The following ZDHHC14 variants were observed in gnomAD, a reference collection of about 807,000 sequenced individuals.
ZDHHC14 encodes the protein zDHHC palmitoyltransferase 14.
Under a neutral mutation model 47.7 loss-of-function variants are expected in ZDHHC14, and 16 were observed. That is an observed-to-expected ratio of 0.34 (90% CI 0.23 to 0.51). The LOEUF (loss-of-function observed/expected upper bound fraction) is 0.51, where lower values mean the gene tolerates loss of function less well. Ranked by LOEUF, ZDHHC14 falls within the 20% of genes least tolerant of loss-of-function variation. ZDHHC14 has a pLI of 0.97. For missense variants in ZDHHC14, 515 were observed against 662.5 expected (o/e 0.78, Z 2.44); for synonymous variants, 293 against 278.9 (o/e 1.05, Z -0.50).
intron 2 of ZDHHC14, 176 bp from the exon 3 acceptor site, chr6:157,592,812 C>G: frequency 7.0e-7 from 1 of 1,420,870 alleles, no homozygotes; most frequent in Non-Finnish European, 9.2e-7. Context: ...ACGAAGGAGG[C>G]CGGGGTCCCA....
At chr6:157,407,174 C>T (rs2114753608) in intron 1 of ZDHHC14, among the ~76,000 whole-genome samples, 1 of 152,298 alleles carries the variant, frequency 6.6e-6, no homozygotes, top group East Asian at 1.9e-4. Flanking sequence ...CAGCCGCCCA[C>T]CTAGTAAGCA....
intron 2 of ZDHHC14, among the ~76,000 whole-genome samples, chr6:157,590,142 G>T (rs369930563): frequency 2.6e-5 from 4 of 152,302 alleles, no homozygotes. Context: ...AGGTGACAGA[G>T]CATAAACGTT....
At chr6:157,488,853 T>C (rs1371928450) in intron 1 of ZDHHC14, among the ~76,000 whole-genome samples, 1 of 152,180 alleles carries the variant, frequency 6.6e-6, no homozygotes, top group Non-Finnish European at 1.5e-5. Context: ...GGAGTTTGCA[T>C]TCTGAGCCGC....
At chr6:157,437,851 G>T (rs1415203138) in intron 1 of ZDHHC14, among the ~76,000 whole-genome samples, 1 of 152,038 alleles carries the variant, frequency 6.6e-6, no homozygotes, top group Admixed American at 6.6e-5. Flanking sequence ...ACAGAAGAAG[G>T]ACAAGTACAA....
In ZDHHC14 at chr6:157,677,260, A is replaced by G. The variant is rs1778984783; in HGVS notation, c.*4138A>G. 1 of 151,494 alleles carries G rather than the reference A, an allele frequency of 6.6e-6. No homozygotes were observed. The highest frequency in any genetic ancestry group is 6.6e-5 in the Admixed American group (1 of 15,202). The allele number at this position is 151,494 out of a possible 1,614,324, so 9.4% of individuals were successfully genotyped here. The stretch of plus-strand genomic sequence containing the variant: ...TCATTTAAAAAAAAAAAAAAAAAAA[A>G]ACTGCCTCTCATTTGTTCCCTTAAA... On this transcript the variant is annotated 3_prime_UTR_variant, in exon 9 of 9. Transcript: ENST00000359775.
chr6:157,429,444 A>G (rs1275051563), intron 1 of ZDHHC14, among the ~76,000 whole-genome samples: 2 of 152,156 alleles, frequency 1.3e-5, no homozygotes, highest in African/African-American at 4.8e-5. Context: ...GATGGATGGT[A>G]AGTCTTTAAC....
At chr6:157,482,545 C>T (rs1193107457) in intron 1 of ZDHHC14, among the ~76,000 whole-genome samples, 3 of 151,674 alleles carry the variant, frequency 2.0e-5, no homozygotes, top group South Asian at 2.1e-4. Context: ...TGAGCCACCA[C>T]GCCTGGCTCC....
chr6:157,638,689 A>G (rs903318634), intron 5 of ZDHHC14, among the ~76,000 whole-genome samples: 2 of 152,196 alleles, frequency 1.3e-5, no homozygotes, highest in Admixed American at 1.3e-4. Flanking sequence ...ACACAAATGC[A>G]CCGTCTCGCC....
chr6:157,608,871 G>T lies in ZDHHC14; in HGVS notation c.565+15725G>T, dbSNP rs148094310. 4.9e-3 allele frequency among the ~76,000 whole-genome samples: 753 copies of T among 152,282 alleles called. 11 individuals are homozygous for T. Among genetic ancestry groups the T allele is most frequent in the African/African-American group, 0.017 (715 of 41,566 alleles). ...CCCCACAGGGCGGGACAGGGCACTA[G>T]AGTCCAGGCCAGGGCAGTGGCCAAG... On this transcript the variant is annotated intron_variant, in intron 3 of 8. Transcript: ENST00000359775.
At chr6:157,492,206 G>GCGCCCCC (rs1779940800) in intron 1 of ZDHHC14, among the ~76,000 whole-genome samples, 4 of 82,476 alleles carry the variant, frequency 4.8e-5, no homozygotes, top group East Asian at 3.3e-4. Flanking sequence ...CTCCGCCCCC[G>GCGCCCCC]CCCCCCAGCC....
chr6:157,541,257 G>A (rs867319364), intron 1 of ZDHHC14, among the ~76,000 whole-genome samples: 3 of 152,148 alleles, frequency 2.0e-5, no homozygotes, highest in Non-Finnish European at 4.4e-5. Flanking sequence ...ATTGCTCCAG[G>A]AAGCTGTGTC....
At chr6:157,500,812 A>T (rs1780176738) in intron 1 of ZDHHC14, among the ~76,000 whole-genome samples, 1 of 152,202 alleles carries the variant, frequency 6.6e-6, no homozygotes, top group Non-Finnish European at 1.5e-5. Flanking sequence ...AACATTTTAA[A>T]TGTGATTCAT....
intron 8 of ZDHHC14, among the ~76,000 whole-genome samples, chr6:157,672,305 G>A (rs1778833172): frequency 6.6e-6 from 1 of 152,038 alleles, no homozygotes; most frequent in Non-Finnish European, 1.5e-5. Flanking sequence ...TATGAACATG[G>A]GTGTACAACT....
rs1778873770 is a variant in ZDHHC14, at chr6:157,672,949, G to A, written c.1294G>A (p.Glu432Lys). ...TLADVMPRKDEHMGHQFLTPD... is the reference protein window; with the variant it reads ...TLADVMPRKDKHMGHQFLTPD... Reference sequence around the variant, plus strand: ...CGCGGACGTGATGCCCCGGAAAGATGAGCACATGGGCCACCAGTTCCTGAC... The same window carrying A: ...CGCGGACGTGATGCCCCGGAAAGATAAGCACATGGGCCACCAGTTCCTGAC... The change falls in exon 9 of 9, where the codon GAG (glutamate) becomes AAG (lysine). Residue 432 changes from glutamate to lysine, a missense_variant. Coordinates refer to ENST00000359775, the MANE Select transcript of ZDHHC14 (RefSeq NM_024630.3). 6.2e-7 allele frequency: 1 copy of A among 1,601,164 alleles called. No homozygotes were observed.
chr6:157,645,529 G>A (rs1217501487), intron 5 of ZDHHC14, among the ~76,000 whole-genome samples: 2 of 152,156 alleles, frequency 1.3e-5, no homozygotes, highest in Non-Finnish European at 2.9e-5. Context: ...GCTCCACGCC[G>A]GGGCAGGTGA....
intron 1 of ZDHHC14, among the ~76,000 whole-genome samples, chr6:157,468,651 T>A (rs915232819): frequency 6.6e-6 from 1 of 152,218 alleles, no homozygotes; most frequent in African/African-American, 2.4e-5. Context: ...GAGGCCCTGC[T>A]CTTTTGTGAA....
chr6:157,416,670 T>TAA (rs570772103), intron 1 of ZDHHC14, among the ~76,000 whole-genome samples: 28 of 75,338 alleles, frequency 3.7e-4, no homozygotes, highest in African/African-American at 1.1e-3. Context: ...CCTGTCTCAT[T>TAA]AAAAAAAAAA....
intron 1 of ZDHHC14, among the ~76,000 whole-genome samples, chr6:157,526,065 C>T (rs1781142290): frequency 6.6e-6 from 1 of 152,214 alleles, no homozygotes; most frequent in Admixed American, 6.5e-5. Context: ...GGGAAACCCA[C>T]TGGACTAAAC....
intron 1 of ZDHHC14, among the ~76,000 whole-genome samples, chr6:157,384,265 T>C (rs906880957): frequency 2.0e-5 from 3 of 152,242 alleles, no homozygotes; most frequent in African/African-American, 7.2e-5. Context: ...CACTGTATGC[T>C]TAGGGATCCC....
Sources: gnomAD v4.1 joint callset for allele counts (sites outside exome capture counted in the v4.1 genomes callset) on GRCh38, gnomAD v4.1.1 for gene constraint, MANE v1.5 for transcripts, NCBI Gene and HGNC (gene_info 2026-07-23, HGNC 2026-07-21) for gene names.